JKAMP: variants seen among roughly 807,000 people sequenced by gnomAD.
JKAMP encodes JNK1/MAPK8-associated membrane protein.
JKAMP carries 20 observed loss-of-function variants against 40.2 expected under a neutral mutation model. The observed-to-expected ratio is 0.50, with a 90% CI of 0.35 to 0.72. The LOEUF is 0.72. Among genes scored for constraint, JKAMP ranks in the 30% least tolerant of loss-of-function variants. The probability of loss-of-function intolerance (pLI) is 0.01; values close to 1 mark genes in which losing one functional copy is unlikely to be tolerated. For missense variants in JKAMP, 276 were observed against 373.0 expected (o/e 0.74, Z 2.14); for synonymous variants, 138 against 131.6 (o/e 1.05, Z -0.33).
intron 4 of JKAMP, among the ~76,000 whole-genome samples, chr14:59,498,439 T>G (rs2139900874): frequency 6.6e-6 from 1 of 152,354 alleles, no homozygotes; most frequent in East Asian, 1.9e-4. Context: ...TATCCCTGGT[T>G]GTTTCCCTTG....
chr14:59,487,620 G>A, intron 2 of JKAMP, 54 bp from the exon 3 acceptor site: 2 of 1,359,720 alleles, frequency 1.5e-6, no homozygotes, highest in Non-Finnish European at 1.0e-6. Flanking sequence ...TTGGGGGGGT[G>A]TTAATGTTGT....
intron 6 of JKAMP, among the ~76,000 whole-genome samples, chr14:59,502,755 T>TGTTTTTTTGTTTTTTTTTTTG (rs67189643): frequency 8.1e-6 from 1 of 122,918 alleles, no homozygotes; most frequent in African/African-American, 3.0e-5. Context: ...ATGAGATTTT[T>TGTTTTTTTGTTTTTTTTTTTG]TTTTTTTTTT....
chr14:59,490,803 A>G (rs1194626755), intron 3 of JKAMP, among the ~76,000 whole-genome samples: 1 of 152,222 alleles, frequency 6.6e-6, no homozygotes, highest in East Asian at 1.9e-4. Flanking sequence ...CTGAAATAGA[A>G]TAATTGTCCA....
rs867688217 is a variant in JKAMP at position 59,484,988 on chromosome 14, A to G, written c.4+395A>G. On this transcript the variant is annotated intron_variant, in intron 1 of 6. Coordinates refer to ENST00000616435, the MANE Select transcript of JKAMP (RefSeq NM_016475.5). The stretch of plus-strand genomic sequence containing the variant: ...TGTCTACTGCTTCAACCTCAAACGT[A>G]GATTTATAGCGCCCGTCACAAAGGG... 15 of 1,575,796 alleles carry G rather than the reference A, an allele frequency of 9.5e-6. No individual in the cohort carries two copies. The Admixed American group carries it at 2.1e-4, about 22-fold the overall frequency.
At chr14:59,493,158 C>CG (rs1197167957) in intron 3 of JKAMP, among the ~76,000 whole-genome samples, 1 of 152,048 alleles carries the variant, frequency 6.6e-6, no homozygotes, top group Non-Finnish European at 1.5e-5. Context: ...AATGAGAAAC[C>CG]GATTCACAGA....
At chr14:59,498,397 A>G (rs1287807285) in intron 4 of JKAMP, among the ~76,000 whole-genome samples, 4 of 152,242 alleles carry the variant, frequency 2.6e-5, no homozygotes, top group Non-Finnish European at 4.4e-5. Context: ...AAGTGATTCA[A>G]TAAAAATCCT....
Position 59,503,893 on chromosome 14 carries a change from G to A in JKAMP, c.757G>A (p.Val253Ile), listed in dbSNP as rs758569947. The change falls in exon 7 of 7, where the codon GTT becomes ATT. Residue 253 changes from valine to isoleucine, a missense_variant. Physicochemically the swap from Val to Ile is conservative, Grantham distance 29. Transcript: ENST00000616435. ...TCTGGTCAGAAAGAAAAGACTTATT[G>A]TTCTCTTCAGCCACTGGTTACTTCA... ...DLLVRKKRLI[V>I]LFSHWLLHAY... 11 of 1,612,892 alleles carry A rather than the reference G, an allele frequency of 6.8e-6. No homozygotes were observed. In the Admixed American group the frequency reaches 1.7e-4, roughly 24 times the overall value.
Position 59,505,294 on chromosome 14 carries a change from G to T in JKAMP, c.*1222G>T. 1 of 1,499,726 alleles carries T rather than the reference G, an allele frequency of 6.7e-7. No homozygotes were observed. The allele number at this position is 1,499,726 out of a possible 1,614,324, so 92.9% of individuals were successfully genotyped here. A position where few individuals can be genotyped will look rare whatever the true frequency, so the allele number is the denominator to read the frequency against. On this transcript the variant is annotated 3_prime_UTR_variant, in exon 7 of 7. Transcript: ENST00000616435. Reference sequence around the variant, plus strand: ...TTTAACCACTGGGAAATGAACCCTTGTACGAATGTGTTTCTTCTTCTCTGT... The same window carrying T: ...TTTAACCACTGGGAAATGAACCCTTTTACGAATGTGTTTCTTCTTCTCTGT...
At chr14:59,484,970 T>G in intron 1 of JKAMP, 1 of 1,548,550 alleles carries the variant, frequency 6.5e-7, no homozygotes, top group Non-Finnish European at 8.6e-7. Flanking sequence ...ATTTGTCTAC[T>G]GCTTCAACCT....
In JKAMP at chr14:59,505,169, A is replaced by T. The variant is rs920716801; in HGVS notation, c.*1097A>T. 5 of 717,988 alleles carry T rather than the reference A, an allele frequency of 7.0e-6. No individual in the cohort carries two copies. The Admixed American group carries it at 1.3e-4, about 18-fold the overall frequency. 44.5% of individuals were successfully genotyped at this position (717,988 alleles called of 1,614,324 possible). Reference sequence around the variant, plus strand: ...AGACTTCTATTAACAGCTGCAAAATATGAAAGTAAGTGCACTCACTTTTCC... The same window carrying T: ...AGACTTCTATTAACAGCTGCAAAATTTGAAAGTAAGTGCACTCACTTTTCC... On this transcript the variant is annotated 3_prime_UTR_variant, in exon 7 of 7. Coordinates refer to ENST00000616435, the MANE Select transcript of JKAMP (RefSeq NM_016475.5).
chr14:59,485,338 A>G, intron 1 of JKAMP: 1 of 458,988 alleles, frequency 2.2e-6, no homozygotes, highest in Non-Finnish European at 3.7e-6. Context: ...ACAATTGGTT[A>G]CAAAAAAAAT....
Position 59,504,205 on chromosome 14 carries a change from G to C in JKAMP, c.*133G>C. On this transcript the variant is annotated 3_prime_UTR_variant, in exon 7 of 7. Transcript: ENST00000616435. ...TCAGTATATCTTAATGTTTGGGTTT[G>C]TCTTTGTTTTGTTTATGGTTAGACT... The C allele has an allele frequency of 3.1e-6, 2 of 640,794 alleles. No individual in the cohort carries two copies. The highest frequency in any genetic ancestry group is 5.4e-6 in the Non-Finnish European group (2 of 371,676). 39.7% of individuals were successfully genotyped at this position (640,794 alleles called of 1,614,324 possible).
In JKAMP at chr14:59,498,818, G is replaced by C. The variant is rs1442968282; in HGVS notation, c.550G>C (p.Gly184Arg). The C allele has an allele frequency of 6.2e-7, 1 of 1,611,324 alleles. No homozygotes were observed. Among genetic ancestry groups the C allele is most frequent in the Non-Finnish European group, 8.5e-7 (1 of 1,177,880 alleles). Residue 184 changes from glycine (G) to arginine (R), a missense_variant, in exon 5 of 7, where the codon GGG becomes CGG. Transcript: ENST00000616435. ...LLVKKIACGL[G>R]KSDRFKSIYA... ...GGTGAAGAAGATTGCATGTGGGTTA[G>C]GGAAATCTGATCGATTTAAAAGTAT...
intron 4 of JKAMP, among the ~76,000 whole-genome samples, chr14:59,496,612 G>A (rs1594944987): frequency 6.6e-6 from 1 of 152,148 alleles, no homozygotes; most frequent in Non-Finnish European, 1.5e-5. Flanking sequence ...ATCTGCACCT[G>A]TAATAGTCAC....
intron 3 of JKAMP, 23 bp downstream of exon 3, chr14:59,487,851 A>G (rs1328101652): frequency 1.9e-6 from 3 of 1,604,096 alleles, no homozygotes. Context: ...CTATGAACAT[A>G]TCTGGCTGGA....
Position 59,498,868 on chromosome 14 carries a change from A to T in JKAMP, c.600A>T (p.Pro200=). The T allele has an allele frequency of 6.2e-7, 1 of 1,611,682 alleles. No homozygotes were observed. Among genetic ancestry groups the T allele is most frequent in the Non-Finnish European group, 8.5e-7 (1 of 1,178,878 alleles). Residue 200 remains proline, a synonymous_variant, in exon 5 of 7, where the codon CCA becomes CCT. Transcript: ENST00000616435. ...TTTATGCTGCACTTTACTTCTTCCC[A>T]ATTTTAACCGTGCTTCAGGCAGTTG... The part of the protein sequence containing the change: ...KSIYAALYFF[P]ILTVLQAVGG...
chr14:59,494,615 G>A (rs973762183), intron 3 of JKAMP, among the ~76,000 whole-genome samples: 6 of 152,158 alleles, frequency 3.9e-5, no homozygotes, highest in Non-Finnish European at 8.8e-5. Flanking sequence ...GGATGGGGAG[G>A]AACAAAGATG....
chr14:59,503,393 G>GC (rs1440722897), intron 6 of JKAMP, among the ~76,000 whole-genome samples: 1 of 152,160 alleles, frequency 6.6e-6, no homozygotes, highest in Non-Finnish European at 1.5e-5. Context: ...TGTCATTTCT[G>GC]CCCCCTTACT....
chr14:59,491,719 G>A lies in JKAMP; in HGVS notation c.252-3299G>A, dbSNP rs180840982. On this transcript the variant is annotated intron_variant, in intron 3 of 6. Transcript: ENST00000616435. ...CAGCTGGAGATGGAGAGATCTCCAGGAACTCTTCTCTTTCAAAACACAAAC... is the reference window on the plus strand; with the variant it reads ...CAGCTGGAGATGGAGAGATCTCCAGAAACTCTTCTCTTTCAAAACACAAAC... 2.1e-3 allele frequency among the ~76,000 whole-genome samples: 320 copies of A among 152,300 alleles called. 1 individual carries two copies. The highest frequency in any genetic ancestry group is 6.9e-3 in the African/African-American group (287 of 41,572).
Sources: allele counts gnomAD v4.1 joint callset (sites outside exome capture counted in the v4.1 genomes callset), GRCh38; gene constraint gnomAD v4.1.1; transcripts MANE v1.5; gene names NCBI Gene and HGNC (gene_info 2026-07-23, HGNC 2026-07-21).